The following SYN3 variants were observed in gnomAD, a reference collection of about 807,000 sequenced individuals.
The protein encoded by SYN3 is synapsin-3.
Under a neutral mutation model 65.8 loss-of-function variants are expected in SYN3, and 35 were observed. That is an observed-to-expected ratio of 0.53 (90% confidence interval 0.41 to 0.70). The LOEUF (loss-of-function observed/expected upper bound fraction) is 0.70, where lower values mean the gene tolerates loss of function less well. Among genes scored for constraint, SYN3 ranks in the 30% least tolerant of loss-of-function variants. The probability of loss-of-function intolerance (pLI) is 0.00; values close to 1 mark genes in which losing one functional copy is unlikely to be tolerated. For missense variants in SYN3, 680 were observed against 749.0 expected, an observed-to-expected ratio of 0.91 and a Z score of 1.08; for synonymous variants, 270 against 292.9, an observed-to-expected ratio of 0.92 and a Z score of 0.80.
chr22:32,889,614 C>G (rs188311965), intron 4 of SYN3, among the ~76,000 whole-genome samples: 1 of 152,042 alleles, frequency 6.6e-6, no homozygotes, highest in Non-Finnish European at 1.5e-5. Context: ...AACAAATCAA[C>G]GCATATATTT....
chr22:32,635,235 CTG>C (rs2059799940), intron 6 of SYN3: 2 of 152,286 alleles, frequency 1.3e-5, no homozygotes, highest in African/African-American at 4.8e-5. Flanking sequence ...ATCTATCTGT[CTG>C]TCTGTCTATC....
At chr22:32,729,406 G>A (rs563868984) in intron 6 of SYN3, among the ~76,000 whole-genome samples, 7 of 152,350 alleles carry the variant, frequency 4.6e-5, no homozygotes, top group Non-Finnish European at 7.3e-5. Flanking sequence ...AGAGGAAGAA[G>A]GGGGCTGATA....
chr22:32,859,337 C>T lies in SYN3; in HGVS notation c.711+5578G>A, dbSNP rs767754232. The stretch of plus-strand genomic sequence containing the variant: ...TACTGCAGCTGGTACCGAGGATGGG[C>T]CCCCCCGGATAAAAGCATCATCAAT... On this transcript the variant is annotated intron_variant, in intron 6 of 13. Transcript: ENST00000358763. The T allele has an allele frequency of 1.9e-6, 3 of 1,612,354 alleles. No homozygotes were observed. The highest frequency in any genetic ancestry group is 3.3e-5 in the Admixed American group (2 of 59,982).
intron 4 of SYN3, among the ~76,000 whole-genome samples, chr22:32,907,894 T>C (rs1235880601): frequency 1.3e-5 from 2 of 152,184 alleles, no homozygotes; most frequent in Non-Finnish European, 2.9e-5. Flanking sequence ...CCAGACACTA[T>C]TTTTAAGTGC....
intron 6 of SYN3, among the ~76,000 whole-genome samples, chr22:32,774,364 G>A (rs1269181324): frequency 2.6e-5 from 4 of 152,138 alleles, no homozygotes; most frequent in Admixed American, 6.5e-5. Context: ...AGAGAATGCC[G>A]TGTGATGATG....
chr22:32,913,163 ATT>A (rs748335496), intron 4 of SYN3, among the ~76,000 whole-genome samples: 4 of 144,438 alleles, frequency 2.8e-5, no homozygotes, highest in African/African-American at 7.6e-5. Context: ...AACTCTATTA[ATT>A]TTTTTTTTTT....
intron 6 of SYN3, among the ~76,000 whole-genome samples, chr22:32,776,653 C>A (rs769320208): frequency 2.0e-5 from 3 of 152,188 alleles, no homozygotes; most frequent in Non-Finnish European, 4.4e-5. Flanking sequence ...GAGCCAGTCA[C>A]GCAGCCTTGA....
At chr22:32,561,718 A>C (rs1311078224) in intron 7 of SYN3, among the ~76,000 whole-genome samples, 1 of 152,164 alleles carries the variant, frequency 6.6e-6, no homozygotes, top group Non-Finnish European at 1.5e-5. Flanking sequence ...GGACCAGTCC[A>C]TTCTTCTCTT....
At chr22:32,853,433 C>T (rs2048278952) in intron 6 of SYN3, among the ~76,000 whole-genome samples, 1 of 152,198 alleles carries the variant, frequency 6.6e-6, no homozygotes, top group African/African-American at 2.4e-5. Context: ...ATTGAGGCAA[C>T]TCATGCTGTC....
chr22:32,889,013 G>A (rs150022849), intron 4 of SYN3, among the ~76,000 whole-genome samples: 1 of 152,352 alleles, frequency 6.6e-6, no homozygotes, highest in African/African-American at 2.4e-5. Flanking sequence ...AGTAGGGTGA[G>A]TGCTGAGGAG....
intron 6 of SYN3, among the ~76,000 whole-genome samples, chr22:32,849,274 A>C (rs2048152458): frequency 6.6e-6 from 1 of 151,684 alleles, no homozygotes. Context: ...TTTTCCTCCA[A>C]CCTCCCTCTC....
chr22:32,550,429 T>C (rs1441579134), intron 7 of SYN3, among the ~76,000 whole-genome samples: 1 of 151,574 alleles, frequency 6.6e-6, no homozygotes, highest in Non-Finnish European at 1.5e-5. Flanking sequence ...ATCCAAAAGA[T>C]TTTTTAAAAC....
chr22:32,876,513 C>G (rs958785810), intron 4 of SYN3, among the ~76,000 whole-genome samples: 5 of 151,368 alleles, frequency 3.3e-5, no homozygotes, highest in Non-Finnish European at 7.4e-5. Flanking sequence ...GGATGTTCAC[C>G]AAAATGCTGG....
intron 6 of SYN3, chr22:32,785,109 A>C (rs1477572697): frequency 7.2e-5 from 11 of 152,004 alleles, no homozygotes; most frequent in Admixed American, 6.5e-4. Context: ...GACAAAAAAA[A>C]ACCAGGTGAA....
chr22:32,601,282 C>CT (rs67325525), intron 6 of SYN3, among the ~76,000 whole-genome samples: 13,043 of 146,266 alleles, frequency 0.089, 1,004 homozygotes, highest in East Asian at 0.38. Flanking sequence ...TTTTTTCTTT[C>CT]TTTTTTTTTT....
At chr22:32,976,365 T>C (rs1261187665) in intron 3 of SYN3, among the ~76,000 whole-genome samples, 1 of 152,234 alleles carries the variant, frequency 6.6e-6, no homozygotes, top group Non-Finnish European at 1.5e-5. Context: ...TCTGCCTTGG[T>C]ACCTCTGTCA....
intron 6 of SYN3, among the ~76,000 whole-genome samples, chr22:32,836,412 G>A (rs2187728): frequency 6.6e-6 from 1 of 152,200 alleles, no homozygotes; most frequent in Non-Finnish European, 1.5e-5. Context: ...AGGTGGTTCA[G>A]AAATACCAGA....
At chr22:32,637,253 T>C (rs776527464) in intron 6 of SYN3, among the ~76,000 whole-genome samples, 5 of 152,212 alleles carry the variant, frequency 3.3e-5, no homozygotes, top group Non-Finnish European at 7.3e-5. Context: ...GCTAGCTGTG[T>C]GAGGCTGAGC....
rs1374265167 is a variant in SYN3 at position 32,513,738 on chromosome 22, G to C, written c.1697C>G (p.Thr566Ser). The C allele has an allele frequency of 6.2e-7, 1 of 1,614,226 alleles. No individual in the cohort carries two copies. The highest frequency in any genetic ancestry group is 1.1e-5 in the South Asian group (1 of 91,086). ...TPSEDEAKAE[T>S]IRNLRKSFAS... The stretch of plus-strand genomic sequence containing the variant: ...AAAAGACTTCCTCAGGTTGCGGATG[G>C]TTTCAGCCTTGGCCTCGTCTTCACT... Residue 566 changes from threonine (T) to serine (S), a missense_variant, in exon 14 of 14, where the codon ACC (threonine) becomes AGC (serine). By Grantham distance (58) the Thr-to-Ser change is moderately conservative (BLOSUM62 1). Coordinates refer to ENST00000358763, the MANE Select transcript of SYN3 (RefSeq NM_003490.4).
Sources: gnomAD v4.1 joint callset for allele counts (sites outside exome capture counted in the v4.1 genomes callset) on GRCh38, gnomAD v4.1.1 for gene constraint, MANE v1.5 for transcripts, NCBI Gene and HGNC (gene_info 2026-07-23, HGNC 2026-07-21) for gene names.